Variants in PAH observed in about 807,000 individuals in gnomAD.
The protein encoded by PAH is phenylalanine hydroxylase.
Under a neutral mutation model 62.0 loss-of-function variants are expected in PAH, and 64 were observed. That is an observed-to-expected ratio of 1.03 (90% confidence interval 0.84 to 1.27). The LOEUF is 1.27. Among genes scored for constraint, PAH ranks in the 50% most tolerant of loss-of-function variants. The pLI is 0.00. For synonymous variants in PAH, 195 were observed against 196.2 expected (o/e 0.99, Z 0.05); for missense variants, 579 against 542.8 (o/e 1.07, Z -0.66).
intron 2 of PAH, among the ~76,000 whole-genome samples, chr12:102,897,144 T>C (rs1381598930): frequency 6.6e-6 from 1 of 152,198 alleles, no homozygotes; most frequent in Non-Finnish European, 1.5e-5. Context: ...AAAGATTCTC[T>C]ATATATTGTC....
chr12:102,949,948 TA>T (rs1037106810), intron 1 of PAH, among the ~76,000 whole-genome samples: 62 of 152,242 alleles, frequency 4.1e-4, no homozygotes, highest in African/African-American at 1.3e-3. Context: ...TTAGGTTTCA[TA>T]GTTATTTGAT....
At chr12:102,935,107 G>A (rs937795326) in intron 1 of PAH, among the ~76,000 whole-genome samples, 1 of 152,044 alleles carries the variant, frequency 6.6e-6, no homozygotes, top group Admixed American at 6.5e-5. Flanking sequence ...TATCATGAAG[G>A]GATGTTGAAT....
chr12:102,940,440 G>T (rs1442663004), intron 1 of PAH, among the ~76,000 whole-genome samples: 1 of 152,168 alleles, frequency 6.6e-6, no homozygotes, highest in Non-Finnish European at 1.5e-5. Flanking sequence ...TCAGTAAAAT[G>T]ATTCAAGAGA....
At chr12:102,950,125 T>A (rs967864756) in intron 1 of PAH, 1 of 152,260 alleles carries the variant, frequency 6.6e-6, no homozygotes, top group Non-Finnish European at 1.5e-5. Context: ...TTTAAAAATA[T>A]CAACTTACTT....
chr12:102,905,608 T>C (rs1182619318), intron 2 of PAH, among the ~76,000 whole-genome samples: 1 of 152,146 alleles, frequency 6.6e-6, no homozygotes, highest in African/African-American at 2.4e-5. Context: ...TTGTCTACCT[T>C]AGACAAGCTA....
intron 2 of PAH, among the ~76,000 whole-genome samples, chr12:102,905,893 T>G (rs1177612565): frequency 6.6e-6 from 1 of 151,676 alleles, no homozygotes; most frequent in Non-Finnish European, 1.5e-5. Flanking sequence ...CTGAAAGTAT[T>G]GATTATATCA....
intron 4 of PAH, among the ~76,000 whole-genome samples, chr12:102,868,070 A>T (rs185881612): frequency 8.6e-6 from 1 of 115,662 alleles, no homozygotes; most frequent in Non-Finnish European, 1.6e-5. Context: ...ACACATATAT[A>T]TACATATATG....
intron 1 of PAH, among the ~76,000 whole-genome samples, chr12:102,922,543 G>T (rs961625245): frequency 6.6e-6 from 1 of 152,130 alleles, no homozygotes; most frequent in Admixed American, 6.5e-5. Context: ...TTGAGGTCAC[G>T]CTGTTTACTA....
intron 5 of PAH, among the ~76,000 whole-genome samples, chr12:102,865,643 ATCCTGCTCAGC>A (rs1231350621): frequency 6.6e-6 from 1 of 152,176 alleles, no homozygotes; most frequent in Non-Finnish European, 1.5e-5. Context: ...TCTTCTGTGA[ATCCTGCTCAGC>A]AGGATCCAAG....
At chr12:102,858,331 C>T (rs1438443434) in intron 5 of PAH, among the ~76,000 whole-genome samples, 2 of 152,112 alleles carry the variant, frequency 1.3e-5, no homozygotes, top group Non-Finnish European at 2.9e-5. Context: ...TAAAGCAAGT[C>T]GTTAGAGACC....
intron 11 of PAH, among the ~76,000 whole-genome samples, chr12:102,841,377 CG>C (rs1250756719): frequency 1.3e-5 from 2 of 152,138 alleles, no homozygotes; most frequent in Non-Finnish European, 2.9e-5. Context: ...TACAATGTTA[CG>C]GGAGACAGTA....
intron 10 of PAH, 76 bp downstream of exon 10, chr12:102,844,260 C>T (rs559792321): frequency 5.6e-4 from 581 of 1,031,690 alleles, no homozygotes; most frequent in Non-Finnish European, 7.7e-4. Context: ...AGGGTTTCAA[C>T]AATATTGAAA....
At chr12:102,945,663 A>T (rs1879467019) in intron 1 of PAH, among the ~76,000 whole-genome samples, 1 of 152,100 alleles carries the variant, frequency 6.6e-6, no homozygotes, top group African/African-American at 2.4e-5. Context: ...CTTGTTGTGA[A>T]TGCTGCAAGG....
At chr12:102,856,280 C>A (rs555652186) in intron 5 of PAH, among the ~76,000 whole-genome samples, 1 of 152,192 alleles carries the variant, frequency 6.6e-6, no homozygotes, top group Admixed American at 6.5e-5. Flanking sequence ...AGTAAGCTCC[C>A]CAGGTGACTC....
rs189443975 is a variant in PAH at position 102,890,929 on chromosome 12, A to G, written c.352+3806T>C. Among the ~76,000 whole-genome samples, 55 of 152,220 alleles carry G rather than the reference A, an allele frequency of 3.6e-4. No individual in the cohort carries two copies. The East Asian group carries it at 9.7e-3, about 27-fold the overall frequency. On this transcript the variant is annotated intron_variant, in intron 3 of 12. Coordinates refer to ENST00000553106, the MANE Select transcript of PAH (RefSeq NM_000277.3). ...GAAACCCCGTCTCTACTAAAAATAT[A>G]AAAATTAGCCGGGCGTGGTGTCATG...
At chr12:102,868,579 A>G (rs527307854) in intron 4 of PAH, among the ~76,000 whole-genome samples, 1 of 152,182 alleles carries the variant, frequency 6.6e-6, no homozygotes, top group South Asian at 2.1e-4. Context: ...TACAGATTAG[A>G]AAGCTTAGGA....
At chr12:102,890,403 C>G (rs1388459841) in intron 3 of PAH, among the ~76,000 whole-genome samples, 4 of 152,194 alleles carry the variant, frequency 2.6e-5, no homozygotes, top group Non-Finnish European at 5.9e-5. Context: ...GGTTGTTCCC[C>G]TTAAGAAAAA....
chr12:102,927,642 T>C (rs1294817361), intron 1 of PAH, among the ~76,000 whole-genome samples: 1 of 152,032 alleles, frequency 6.6e-6, no homozygotes, highest in Non-Finnish European at 1.5e-5. Flanking sequence ...TTTATTCAAA[T>C]AATAGCTGCA....
intron 4 of PAH, among the ~76,000 whole-genome samples, chr12:102,867,820 T>A (rs1223653371): frequency 7.1e-6 from 1 of 140,738 alleles, no homozygotes; most frequent in African/African-American, 2.7e-5. Flanking sequence ...TCTCTCTTTC[T>A]CTCTCTCTCT....
Sources: allele counts gnomAD v4.1 joint callset (sites outside exome capture counted in the v4.1 genomes callset), GRCh38; gene constraint gnomAD v4.1.1; transcripts MANE v1.5; gene names NCBI Gene and HGNC (gene_info 2026-07-23, HGNC 2026-07-21).